CYRIB: variants seen among roughly 807,000 people sequenced by gnomAD.
CYRIB encodes the protein CYFIP-related Rac1 interactor B.
Under a neutral mutation model 44.2 loss-of-function variants are expected in CYRIB, and 8 were observed. The observed-to-expected ratio is 0.18, with a 90% CI of 0.11 to 0.33. The LOEUF is 0.33. CYRIB is among the 10% of genes least tolerant of loss of function. CYRIB has a pLI of 1.00. For missense variants in CYRIB, 185 were observed against 382.8 expected, an observed-to-expected ratio of 0.48 and a Z score of 4.31; for synonymous variants, 131 against 127.2, an observed-to-expected ratio of 1.03 and a Z score of -0.20.
chr8:129,889,784 A>AC (rs1037523727), intron 2 of CYRIB, among the ~76,000 whole-genome samples: 1 of 152,104 alleles, frequency 6.6e-6, no homozygotes, highest in Admixed American at 6.5e-5. Flanking sequence ...TAATCAAAGA[A>AC]AATGGTTTCT....
intron 1 of CYRIB, among the ~76,000 whole-genome samples, chr8:129,975,764 C>T (rs1462681463): frequency 6.6e-6 from 1 of 152,208 alleles, no homozygotes; most frequent in African/African-American, 2.4e-5. Flanking sequence ...AAGTTTGCAG[C>T]AGTTGCTTAT....
chr8:129,924,469 T>C (rs771790182), intron 1 of CYRIB, among the ~76,000 whole-genome samples: 2 of 152,136 alleles, frequency 1.3e-5, no homozygotes, highest in Non-Finnish European at 2.9e-5. Context: ...TTCATTCTCA[T>C]TAATTTTTTT....
intron 2 of CYRIB, among the ~76,000 whole-genome samples, chr8:129,881,355 C>CA (rs889765343): frequency 3.9e-5 from 6 of 152,068 alleles, no homozygotes. Flanking sequence ...TGTTTTTCTC[C>CA]AAAGATCCCG....
chr8:129,895,490 C>T (rs957384979), intron 2 of CYRIB, among the ~76,000 whole-genome samples: 4 of 149,768 alleles, frequency 2.7e-5, no homozygotes, highest in Non-Finnish European at 5.9e-5. Flanking sequence ...TTATTCTTGC[C>T]CTTTTATTCA....
upstream of CYRIB, among the ~76,000 whole-genome samples, chr8:129,941,377 G>A (rs759186063): frequency 6.7e-6 from 1 of 149,884 alleles, no homozygotes; most frequent in Non-Finnish European, 1.5e-5. Flanking sequence ...AGGTTCAAGC[G>A]ATTCTCCTGT....
chr8:129,913,248 G>GC (rs2078998623), intron 1 of CYRIB, among the ~76,000 whole-genome samples: 2 of 152,156 alleles, frequency 1.3e-5, no homozygotes. Flanking sequence ...TGGGATTACA[G>GC]GCGTGAGCCA....
chr8:129,916,519 A>G (rs1239578697), intron 1 of CYRIB, among the ~76,000 whole-genome samples: 1 of 152,208 alleles, frequency 6.6e-6, no homozygotes, highest in African/African-American at 2.4e-5. Context: ...CCTAATAAAC[A>G]TGCTACTAGA....
intron 5 of CYRIB, among the ~76,000 whole-genome samples, chr8:129,861,455 T>G (rs1449662440): frequency 6.6e-6 from 1 of 152,196 alleles, no homozygotes; most frequent in Non-Finnish European, 1.5e-5. Flanking sequence ...TTCTTTCTTT[T>G]TTGAGACAGG....
At chr8:129,846,824 T>C in exon 11 of CYRIB, 1 of 1,596,848 alleles carries the variant, frequency 6.3e-7, no homozygotes, top group Non-Finnish European at 8.5e-7. Flanking sequence ...TTAGAAGACC[T>C]TCCACACTAT....
At chr8:129,976,803 T>C (rs1001050212) in intron 1 of CYRIB, among the ~76,000 whole-genome samples, 1 of 152,108 alleles carries the variant, frequency 6.6e-6, no homozygotes, top group African/African-American at 2.4e-5. Context: ...AGAGTTTTTG[T>C]GTGTGTGTTT....
chr8:130,004,888 T>G (rs950346311), intron 1 of CYRIB, among the ~76,000 whole-genome samples: 11 of 149,624 alleles, frequency 7.4e-5, no homozygotes, highest in Admixed American at 1.3e-4. Context: ...TGCCTCAGCC[T>G]CCCGAGTAGC....
rs1173181951 is a variant in CYRIB, at chr8:129,932,922, G to C, written c.-50+6686C>G. On this transcript the variant is annotated intron_variant, in intron 1 of 11. Transcript: ENST00000519824. ...AGGGTGGAATTAATGTTTAGAAACT[G>C]AGCAGTGAGAAGTGAGGCTGAAATT... Among the ~76,000 whole-genome samples, 3 of 152,150 alleles carry C rather than the reference G, an allele frequency of 2.0e-5. No individual in the cohort carries two copies. In the East Asian group the frequency reaches 5.8e-4, roughly 29 times the overall value.
At chr8:129,852,238 C>T (rs757439011) in exon 8 of CYRIB, 4 of 1,562,280 alleles carry the variant, frequency 2.6e-6, no homozygotes, top group Non-Finnish European at 3.5e-6. Flanking sequence ...CAAAGACATT[C>T]GATTTGCCAA....
chr8:129,982,048 G>A (rs1338700791), intron 1 of CYRIB, among the ~76,000 whole-genome samples: 1 of 152,196 alleles, frequency 6.6e-6, no homozygotes, highest in Non-Finnish European at 1.5e-5. Context: ...AGTGAACAGG[G>A]GATCAACTTG....
At chr8:129,999,328 C>T (rs1306181385) in intron 1 of CYRIB, among the ~76,000 whole-genome samples, 2 of 152,312 alleles carry the variant, frequency 1.3e-5, no homozygotes, top group East Asian at 1.9e-4. Context: ...CCACCAGGCC[C>T]GTCTCGGGAT....
chr8:129,860,005 A>C (rs1002623800), intron 5 of CYRIB, among the ~76,000 whole-genome samples: 3 of 152,210 alleles, frequency 2.0e-5, no homozygotes, highest in Non-Finnish European at 4.4e-5. Context: ...TAAGTATGCA[A>C]ACTGGCAAGG....
intron 5 of CYRIB, 48 bp from the exon 8 acceptor site, chr8:129,855,795 A>G: frequency 6.6e-7 from 1 of 1,514,152 alleles, no homozygotes. Flanking sequence ...TATCTGTGTG[A>G]TATTTGTTTA....
chr8:129,997,076 G>A lies in CYRIB; in HGVS notation c.-296+19294C>T, dbSNP rs147532723. ...AAGGAGGGAGGGAGGGAGGGAGGGA[G>A]GGAGGGAGGGAAGGAGGGAGGGAAG... On this transcript the variant is annotated intron_variant, in intron 1 of 14. Transcript: ENST00000401979. 6.5e-3 allele frequency among the ~76,000 whole-genome samples: 901 copies of A among 139,260 alleles called. 9 individuals are homozygous for A. The highest frequency in any genetic ancestry group is 0.023 in the African/African-American group (836 of 35,610). The allele number at this position is 139,260 out of a possible 152,430, so 91.4% of individuals were successfully genotyped here. A position where few individuals can be genotyped will look rare whatever the true frequency, so the allele number is the denominator to read the frequency against.
In CYRIB at chr8:129,971,999, G is replaced by A. The variant is rs2095712242; in HGVS notation, c.-295-1004C>T. Among the ~76,000 whole-genome samples the A allele has an allele frequency of 2.0e-5, 3 of 152,238 alleles. No individual in the cohort carries two copies. The South Asian group carries it at 6.2e-4, about 32-fold the overall frequency. On this transcript the variant is annotated intron_variant, in intron 1 of 14. Coordinates refer to the CYRIB transcript ENST00000401979. ...AGAGAAACAGGATGACTTTTTCTCT[G>A]GCCTTTATTCTGATTAAATCTTTAG... is the stretch of plus-strand genomic sequence containing the variant.
Sources: allele counts gnomAD v4.1 joint callset (sites outside exome capture counted in the v4.1 genomes callset), GRCh38; gene constraint gnomAD v4.1.1; transcripts MANE v1.5; gene names NCBI Gene and HGNC (gene_info 2026-07-23, HGNC 2026-07-21).